Variants in NDST3 observed in about 807,000 individuals in gnomAD.
The protein encoded by NDST3 is N-deacetylase and N-sulfotransferase 3, also known as bifunctional heparan sulfate N-deacetylase/N-sulfotransferase 3.
A neutral mutation model predicts 96.1 loss-of-function variants in NDST3; 58 were observed. That is an observed-to-expected ratio of 0.60 (90% CI 0.49 to 0.75). The LOEUF is 0.75. NDST3 is among the 30% of genes least tolerant of loss of function. NDST3 has a pLI of 0.00. For missense variants in NDST3, 788 were observed against 1,034.2 expected, an observed-to-expected ratio of 0.76 and a Z score of 3.27; for synonymous variants, 333 against 359.7, an observed-to-expected ratio of 0.93 and a Z score of 0.84.
chr4:118,191,436 C>T (rs1311596962), intron 6 of NDST3, among the ~76,000 whole-genome samples: 10 of 152,114 alleles, frequency 6.6e-5, no homozygotes, highest in Admixed American at 5.9e-4. Flanking sequence ...AGGTGGTGAT[C>T]TTTTAAACTT....
chr4:118,119,828 C>T (rs1257201434), intron 4 of NDST3, among the ~76,000 whole-genome samples: 1 of 152,140 alleles, frequency 6.6e-6, no homozygotes, highest in Non-Finnish European at 1.5e-5. Context: ...TACTCAGGAA[C>T]TAAAGGGGCC....
intron 6 of NDST3, among the ~76,000 whole-genome samples, chr4:118,190,555 T>C (rs1737240317): frequency 6.6e-6 from 1 of 152,156 alleles, no homozygotes. Context: ...AGGAGGACTA[T>C]GAAGGGTAGG....
intron 10 of NDST3, among the ~76,000 whole-genome samples, chr4:118,238,227 A>T (rs6845921): frequency 1.4e-5 from 2 of 141,094 alleles, no homozygotes; most frequent in African/African-American, 5.7e-5. Flanking sequence ...AAGAAAGAAA[A>T]AGAAAGAAGA....
At chr4:118,151,223 T>G (rs1420554573) in intron 6 of NDST3, among the ~76,000 whole-genome samples, 2 of 151,950 alleles carry the variant, frequency 1.3e-5, no homozygotes, top group East Asian at 3.9e-4. Flanking sequence ...AACATTACAC[T>G]CTGGGGACTG....
chr4:118,093,189 A>G (rs953876246), intron 2 of NDST3, among the ~76,000 whole-genome samples: 2 of 151,796 alleles, frequency 1.3e-5, no homozygotes, highest in Non-Finnish European at 2.9e-5. Flanking sequence ...TAAGATAGCC[A>G]TTTTTCAGAA....
chr4:118,077,156 C>A (rs537971388), intron 2 of NDST3, among the ~76,000 whole-genome samples: 1 of 152,122 alleles, frequency 6.6e-6, no homozygotes, highest in African/African-American at 2.4e-5. Context: ...GAACCTGCTG[C>A]GCAGGAAGGG....
At chr4:118,147,864 C>G (rs1213056118) in intron 6 of NDST3, among the ~76,000 whole-genome samples, 1 of 152,154 alleles carries the variant, frequency 6.6e-6, no homozygotes, top group African/African-American at 2.4e-5. Context: ...TTTGCTTATG[C>G]ACTTGTTGAA....
intron 2 of NDST3, among the ~76,000 whole-genome samples, chr4:118,067,681 C>T (rs754902251): frequency 2.6e-5 from 4 of 152,082 alleles, no homozygotes; most frequent in Non-Finnish European, 5.9e-5. Flanking sequence ...CAGAATAGTT[C>T]AGAGCCTCTG....
At chr4:118,080,866 T>C (rs879099885) in intron 2 of NDST3, among the ~76,000 whole-genome samples, 1 of 152,220 alleles carries the variant, frequency 6.6e-6, no homozygotes, top group Non-Finnish European at 1.5e-5. Context: ...GAACTCATTT[T>C]ATTAGGGAGA....
chr4:118,092,910 T>C (rs35754081), intron 2 of NDST3, among the ~76,000 whole-genome samples: 1 of 151,736 alleles, frequency 6.6e-6, no homozygotes, highest in Admixed American at 6.6e-5. Context: ...AGAAGTGTTG[T>C]TACATTTATA....
At chr4:118,194,748 T>C (rs1010390697) in intron 6 of NDST3, 2 of 484,888 alleles carry the variant, frequency 4.1e-6, no homozygotes, top group African/African-American at 2.0e-5. Flanking sequence ...TCCTCAACTG[T>C]CATCTCCACG....
At position 118,054,160 on chromosome 4, in the gene NDST3, G is replaced by A; in HGVS notation, c.250G>A (p.Val84Ile). 1.2e-6 allele frequency: 2 copies of A among 1,612,990 alleles called. No homozygotes were observed. The highest frequency in any genetic ancestry group is 1.3e-5 in the African/African-American group (1 of 74,910). ...SRTDPTVLVF[V>I]ESQYSSLGQD... The stretch of plus-strand genomic sequence containing the variant: ...GACAGACCCCACAGTCCTAGTATTT[G>A]TAGAGAGCCAGTACTCATCTCTTGG... The change falls in exon 2 of 14, where the codon GTA becomes ATA. Residue 84 changes from valine (V) to isoleucine (I), a missense_variant. Coordinates refer to ENST00000296499, the MANE Select transcript of NDST3 (RefSeq NM_004784.3).
intron 5 of NDST3, among the ~76,000 whole-genome samples, chr4:118,139,362 TA>T (rs1306519359): frequency 1.8e-4 from 28 of 152,262 alleles, no homozygotes; most frequent in Admixed American, 1.8e-3. Flanking sequence ...ATCAAGGCTC[TA>T]ACAGATTTCC....
chr4:118,113,630 C>A (rs992573296), intron 3 of NDST3, among the ~76,000 whole-genome samples: 3 of 152,186 alleles, frequency 2.0e-5, no homozygotes, highest in African/African-American at 7.2e-5. Flanking sequence ...ACAATGTTAA[C>A]AGGAACTGGG....
At position 118,227,218 on chromosome 4, in the gene NDST3, GT is replaced by G. The variant is rs1578842741; in HGVS notation, c.1819+237del. Among the ~76,000 whole-genome samples the G allele has an allele frequency of 3.0e-5, 4 of 132,736 alleles. No individual in the cohort carries two copies. In the East Asian group the frequency reaches 9.0e-4, roughly 30 times the overall value. 87.1% of individuals were successfully genotyped at this position (132,736 alleles called of 152,430 possible). A position where few individuals can be genotyped will look rare whatever the true frequency, so the allele number is the denominator to read the frequency against. ...GTTCAAATATCCAGCAGTCAATTTG[GT>G]AGCACATGTTTTTTTTTTTCCCCCC... On this transcript the variant is annotated intron_variant, in intron 8 of 13. Coordinates refer to ENST00000296499, the MANE Select transcript of NDST3 (RefSeq NM_004784.3).
chr4:118,244,327 G>A (rs1680693485), intron 12 of NDST3, among the ~76,000 whole-genome samples: 2 of 152,158 alleles, frequency 1.3e-5, no homozygotes. Context: ...AGCTGTTTCT[G>A]TAGTGCTTTG....
intron 6 of NDST3, among the ~76,000 whole-genome samples, chr4:118,195,845 T>C (rs1737648997): frequency 6.6e-6 from 1 of 152,204 alleles, no homozygotes; most frequent in African/African-American, 2.4e-5. Context: ...TATTTCTTCC[T>C]CTTGTCTGAT....
chr4:118,162,037 T>C (rs1474752240), intron 6 of NDST3, among the ~76,000 whole-genome samples: 1 of 152,100 alleles, frequency 6.6e-6, no homozygotes, highest in African/African-American at 2.4e-5. Flanking sequence ...GGAACCCAGC[T>C]TACAAGGGAC....
At position 118,120,967 on chromosome 4, in the gene NDST3, C is replaced by T. The variant is rs143842285; in HGVS notation, c.1224+6007C>T. On this transcript the variant is annotated intron_variant, in intron 4 of 13. Transcript: ENST00000296499. ...TCATATCACACCTGTGTCTGCCCGA[C>T]CCTCTGTCCATGAGCCATTTATTAA... 1.6e-4 allele frequency among the ~76,000 whole-genome samples: 25 copies of T among 151,748 alleles called. No homozygotes were observed. The East Asian group carries it at 4.6e-3, about 28-fold the overall frequency.
Sources: gnomAD v4.1 joint callset for allele counts (sites outside exome capture counted in the v4.1 genomes callset) on GRCh38, gnomAD v4.1.1 for gene constraint, MANE v1.5 for transcripts, NCBI Gene and HGNC (gene_info 2026-07-23, HGNC 2026-07-21) for gene names.